RICTOR: variants seen among roughly 807,000 people sequenced by gnomAD.
RICTOR encodes rapamycin-insensitive companion of mTOR.
A neutral mutation model predicts 214.9 loss-of-function variants in RICTOR; 49 were observed. That is an observed-to-expected ratio of 0.23 (90% CI 0.18 to 0.29). The LOEUF (loss-of-function observed/expected upper bound fraction) is 0.29, where lower values mean the gene tolerates loss of function less well. Among genes scored for constraint, RICTOR ranks in the 10% least tolerant of loss-of-function variants. The pLI, the probability that RICTOR is intolerant of heterozygous loss-of-function variation, is 1.00. For missense variants in RICTOR, 1,625 were observed against 2,047.0 expected, an observed-to-expected ratio of 0.79 and a Z score of 3.98; for synonymous variants, 717 against 711.3, an observed-to-expected ratio of 1.01 and a Z score of -0.13.
At position 38,962,692 on chromosome 5, in the gene RICTOR, T is replaced by C. The variant is rs893661686; in HGVS notation, c.1567-106A>G. 128 of 798,226 alleles carry C rather than the reference T, an allele frequency of 1.6e-4. 1 individual carries two copies. Among genetic ancestry groups the C allele is most frequent in the Non-Finnish European group, 2.4e-5 (12 of 505,202 alleles). 49.4% of individuals were successfully genotyped at this position (798,226 alleles called of 1,614,324 possible). ...GAAAGGCAGCTTTTCCATTTAAGGA[T>C]AGATCAAGGTTTTTTAACTTTAAAG... On this transcript the variant is annotated intron_variant, in intron 17 of 37. Transcript: ENST00000357387.
intron 36 of RICTOR, 41 bp downstream of exon 36, chr5:38,944,405 A>G (rs1202409821): frequency 6.4e-7 from 1 of 1,573,182 alleles, no homozygotes; most frequent in Non-Finnish European, 8.6e-7. Context: ...GACTTAAAAA[A>G]CAGAATAAAC....
chr5:39,019,259 C>T (rs139289252), intron 3 of RICTOR, among the ~76,000 whole-genome samples: 1 of 152,122 alleles, frequency 6.6e-6, no homozygotes, highest in Non-Finnish European at 1.5e-5. Flanking sequence ...GATCACTGAC[C>T]AAGGTAGCTA....
chr5:39,066,208 T>G (rs1197931887), intron 2 of RICTOR, among the ~76,000 whole-genome samples: 2 of 152,198 alleles, frequency 1.3e-5, no homozygotes, highest in African/African-American at 4.8e-5. Context: ...TAATAATACA[T>G]GTAAGCCATC....
intron 9 of RICTOR, 69 bp downstream of exon 9, chr5:38,978,514 G>A (rs557803846): frequency 3.2e-5 from 21 of 666,066 alleles, no homozygotes; most frequent in Admixed American, 1.2e-4. Flanking sequence ...ATGGAATCAC[G>A]CAAACCTAAA....
In RICTOR at chr5:39,069,937, G is replaced by A. The variant is rs182980011; in HGVS notation, c.97+4174C>T. ...CATTCTCTCCTCTGGCTACTATTGG[G>A]TTACCTCTGTTTCCTATATAGTTTG... is the stretch of plus-strand genomic sequence containing the variant. On this transcript the variant is annotated intron_variant, in intron 2 of 37. Transcript: ENST00000357387. Among the ~76,000 whole-genome samples, 17 of 152,224 alleles carry A rather than the reference G, an allele frequency of 1.1e-4. No homozygotes were observed. In the East Asian group the frequency reaches 3.3e-3, roughly 29 times the overall value.
intron 7 of RICTOR, among the ~76,000 whole-genome samples, chr5:38,988,764 C>A (rs2592304): frequency 6.6e-6 from 1 of 152,118 alleles, no homozygotes; most frequent in African/African-American, 2.4e-5. Context: ...CCATTAACAA[C>A]TGCTACAAAG....
chr5:38,976,312 TTTTTTTTA>T (rs1751225302), intron 9 of RICTOR, among the ~76,000 whole-genome samples: 1 of 151,418 alleles, frequency 6.6e-6, no homozygotes, highest in South Asian at 2.1e-4. Flanking sequence ...GTGCCACCTT[TTTTTTTTA>T]ATCTTTCCTA....
intron 2 of RICTOR, among the ~76,000 whole-genome samples, chr5:39,051,104 T>C (rs1169567463): frequency 6.6e-6 from 1 of 151,466 alleles, no homozygotes; most frequent in Non-Finnish European, 1.5e-5. Context: ...AACCAGTAAT[T>C]CCACGCTAAA....
rs182707466 is a variant in RICTOR at position 39,007,976 on chromosome 5, A to C, written c.196-4354T>G. ...CACTTTTGGAGATTTATGTATTTTA[A>C]ATTATTTTACTAATATAAAGTAGGT... On this transcript the variant is annotated intron_variant, in intron 3 of 37. Transcript: ENST00000357387. Among the ~76,000 whole-genome samples, 437 of 151,618 alleles carry C rather than the reference A, an allele frequency of 2.9e-3. 2 individuals are homozygous for C. Among genetic ancestry groups the C allele is most frequent in the Middle Eastern group, 0.01 (3 of 288 alleles).
intron 2 of RICTOR, among the ~76,000 whole-genome samples, chr5:39,070,509 A>G (rs1210362972): frequency 6.6e-6 from 1 of 152,206 alleles, no homozygotes; most frequent in Non-Finnish European, 1.5e-5. Flanking sequence ...GTTCAAATCT[A>G]CATCATTTTG....
chr5:39,012,514 T>C (rs1333345006), intron 3 of RICTOR, among the ~76,000 whole-genome samples: 4 of 152,172 alleles, frequency 2.6e-5, no homozygotes, highest in African/African-American at 9.7e-5. Flanking sequence ...AGTTAAAACA[T>C]GGACATCCTG....
chr5:39,050,046 A>G (rs1346522613), intron 2 of RICTOR, among the ~76,000 whole-genome samples: 1 of 152,172 alleles, frequency 6.6e-6, no homozygotes, highest in Non-Finnish European at 1.5e-5. Flanking sequence ...AATGAATCCA[A>G]AGGCAGAATA....
At position 39,003,634 on chromosome 5, in the gene RICTOR, A is replaced by C. The variant is rs1745064409; in HGVS notation, c.196-12T>G. On this transcript the variant is annotated splice_polypyrimidine_tract_variant and intron_variant, in intron 3 of 37. Coordinates refer to ENST00000357387, the MANE Select transcript of RICTOR (RefSeq NM_152756.5). ...ATATCACAAAGAAGCTGTCAGAAAA[A>C]CAAAATAAGTGTGCATTTATGTGTT... is the stretch of plus-strand genomic sequence containing the variant. The C allele has an allele frequency of 6.3e-7, 1 of 1,582,878 alleles. No individual in the cohort carries two copies. The highest frequency in any genetic ancestry group is 1.3e-5 in the African/African-American group (1 of 74,366).
intron 2 of RICTOR, among the ~76,000 whole-genome samples, chr5:39,025,349 C>A (rs994676234): frequency 1.3e-5 from 2 of 152,174 alleles, no homozygotes; most frequent in Non-Finnish European, 2.9e-5. Context: ...AATGAGAAAT[C>A]TCTGCTTTCT....
At chr5:39,041,940 CAAAAAAAAA>C (rs35609106) in intron 2 of RICTOR, among the ~76,000 whole-genome samples, 2 of 84,624 alleles carry the variant, frequency 2.4e-5, no homozygotes, top group Middle Eastern at 6.8e-3. Context: ...GACCCTGTTT[CAAAAAAAAA>C]AAAAAAAAAA....
chr5:39,035,730 T>C (rs1407229268), intron 2 of RICTOR, among the ~76,000 whole-genome samples: 3 of 152,060 alleles, frequency 2.0e-5, no homozygotes, highest in African/African-American at 7.2e-5. Flanking sequence ...CGATAGAAGA[T>C]GAAATGAATG....
At chr5:39,047,774 T>G (rs536275485) in intron 2 of RICTOR, among the ~76,000 whole-genome samples, 1 of 152,250 alleles carries the variant, frequency 6.6e-6, no homozygotes. Context: ...TCTCAGAGAT[T>G]TTAGGTTTTC....
At chr5:39,055,407 C>T (rs914774161) in intron 2 of RICTOR, among the ~76,000 whole-genome samples, 1 of 139,066 alleles carries the variant, frequency 7.2e-6, no homozygotes, top group South Asian at 2.3e-4. Context: ...GAGAAGCTTT[C>T]TCTGACAATT....
At chr5:38,983,337 T>C (rs1751882417) in intron 7 of RICTOR, among the ~76,000 whole-genome samples, 1 of 152,238 alleles carries the variant, frequency 6.6e-6, no homozygotes, top group African/African-American at 2.4e-5. Context: ...CAAATCTGTG[T>C]TTTCACATAG....
Sources: gnomAD v4.1 joint callset for allele counts (sites outside exome capture counted in the v4.1 genomes callset) on GRCh38, gnomAD v4.1.1 for gene constraint, MANE v1.5 for transcripts, NCBI Gene and HGNC (gene_info 2026-07-23, HGNC 2026-07-21) for gene names.